TXLNB: variants seen among roughly 807,000 people sequenced by gnomAD.
The protein encoded by TXLNB is beta-taxilin.
A neutral mutation model predicts 57.4 loss-of-function variants in TXLNB; 37 were observed. The observed-to-expected ratio is 0.64, with a 90% CI of 0.50 to 0.85. The LOEUF (loss-of-function observed/expected upper bound fraction) is 0.85, where lower values mean the gene tolerates loss of function less well. Ranked by LOEUF, TXLNB falls within the 40% of genes least tolerant of loss-of-function variation. The pLI is 0.00. For missense variants in TXLNB, 848 were observed against 825.6 expected (o/e 1.03, Z -0.33); for synonymous variants, 302 against 309.6 (o/e 0.98, Z 0.26).
chr6:139,216,192 G>T, the TXLNB span, among the ~76,000 whole-genome samples: 16 of 151,580 alleles, frequency 1.1e-4, no homozygotes, highest in African/African-American at 3.6e-4. Flanking sequence ...TATTGCGGCA[G>T]TATTCACAAT....
chr6:139,278,199 A>G (rs536975032), intron 2 of TXLNB, among the ~76,000 whole-genome samples: 1 of 152,216 alleles, frequency 6.6e-6, no homozygotes, highest in Non-Finnish European at 1.5e-5. Flanking sequence ...TTACATGATT[A>G]GTGCTGGCAG....
intron 2 of TXLNB, among the ~76,000 whole-genome samples, chr6:139,278,801 C>T (rs1309348775): frequency 2.0e-5 from 3 of 152,184 alleles, no homozygotes; most frequent in Non-Finnish European, 2.9e-5. Context: ...GTCAGGAGAT[C>T]AAGACCATCC....
the TXLNB span, among the ~76,000 whole-genome samples, chr6:139,302,367 A>C: frequency 1.3e-5 from 2 of 152,010 alleles, no homozygotes; most frequent in Admixed American, 6.6e-5. Context: ...CTAACAGTGA[A>C]ACACATCTAG....
chr6:139,222,612 G>T, the TXLNB span, among the ~76,000 whole-genome samples: 1 of 152,192 alleles, frequency 6.6e-6, no homozygotes, highest in Non-Finnish European at 1.5e-5. Context: ...TTTGAGACCA[G>T]CCTGGCCAAC....
the TXLNB span, among the ~76,000 whole-genome samples, chr6:139,209,089 A>T: frequency 6.6e-6 from 1 of 152,228 alleles, no homozygotes; most frequent in Non-Finnish European, 1.5e-5. Context: ...GAATTCAGCG[A>T]TATTTCAGGA....
chr6:139,219,625 A>G, the TXLNB span, among the ~76,000 whole-genome samples: 1 of 152,222 alleles, frequency 6.6e-6, no homozygotes, highest in Non-Finnish European at 1.5e-5. Flanking sequence ...GGCTAAAATA[A>G]GCAGGTTAGG....
the TXLNB span, among the ~76,000 whole-genome samples, chr6:139,194,998 G>A: frequency 6.6e-6 from 1 of 152,230 alleles, no homozygotes; most frequent in African/African-American, 2.4e-5. Flanking sequence ...TTACAGTTCT[G>A]TAGTCAGAAG....
At chr6:139,271,310 C>G (rs966126536) in intron 3 of TXLNB, 1 of 152,270 alleles carries the variant, frequency 6.6e-6, no homozygotes, top group Non-Finnish European at 1.5e-5. Flanking sequence ...CACCCGCACC[C>G]GCTCTGTGCT....
rs1276429750 is a variant in TXLNB at position 139,242,271 on chromosome 6, C to T, written c.*255G>A. 8.9e-6 allele frequency: 3 copies of T among 338,208 alleles called. No individual in the cohort carries two copies. Among genetic ancestry groups the T allele is most frequent in the Middle Eastern group, 7.6e-4 (1 of 1,324 alleles). The allele number at this position is 338,208 out of a possible 1,614,324, so 21.0% of individuals were successfully genotyped here. On this transcript the variant is annotated 3_prime_UTR_variant, in exon 10 of 10. Coordinates refer to ENST00000358430, the MANE Select transcript of TXLNB (RefSeq NM_153235.4). ...TTAACAGAAAAGGAATATAAATTTG[C>T]TATCTGTATGTTTTGTTGCCCTTTG...
chr6:139,189,894 TCTC>T, the TXLNB span, among the ~76,000 whole-genome samples: 20 of 152,248 alleles, frequency 1.3e-4, no homozygotes, highest in East Asian at 3.5e-3. Flanking sequence ...CCAAGTAGGC[TCTC>T]CTCTAGGGCA....
chr6:139,174,548 T>G, the TXLNB span: 1 of 1,613,230 alleles, frequency 6.2e-7, no homozygotes, highest in Non-Finnish European at 8.5e-7. Context: ...AGGTAGGTAC[T>G]GAACACACTG....
intron 4 of TXLNB, among the ~76,000 whole-genome samples, chr6:139,268,825 A>G (rs1776681001): frequency 6.6e-6 from 1 of 152,156 alleles, no homozygotes; most frequent in Non-Finnish European, 1.5e-5. Context: ...GTCTCCTGCT[A>G]CTTTGATCAT....
chr6:139,166,657 T>C, the TXLNB span: 4 of 1,613,934 alleles, frequency 2.5e-6, no homozygotes, highest in Non-Finnish European at 3.4e-6. Flanking sequence ...GGAGGCCTCC[T>C]GGTGAGGCGG....
intron 7 of TXLNB, among the ~76,000 whole-genome samples, chr6:139,254,101 ATGTATCTAG>A: frequency 6.6e-6 from 1 of 152,292 alleles, no homozygotes; most frequent in Non-Finnish European, 1.5e-5. Flanking sequence ...TCTAACTTCT[ATGTATCTAG>A]TGTATTAAGA....
chr6:139,182,504 T>A, the TXLNB span, among the ~76,000 whole-genome samples: 1 of 152,210 alleles, frequency 6.6e-6, no homozygotes. Flanking sequence ...TTGTATTGTT[T>A]TGACTTAAAT....
the TXLNB span, among the ~76,000 whole-genome samples, chr6:139,190,420 C>T: frequency 2.0e-5 from 3 of 151,016 alleles, no homozygotes; most frequent in African/African-American, 4.9e-5. Flanking sequence ...AGCGATTCTC[C>T]TGCCTCAGCC....
intron 2 of TXLNB, among the ~76,000 whole-genome samples, chr6:139,284,665 G>A (rs1777131296): frequency 6.8e-6 from 1 of 146,272 alleles, no homozygotes; most frequent in Non-Finnish European, 1.5e-5. Context: ...TCAAAGAACT[G>A]AGAAACTAGA....
At chr6:139,223,835 T>G in the TXLNB span, among the ~76,000 whole-genome samples, 3 of 151,954 alleles carry the variant, frequency 2.0e-5, no homozygotes, top group African/African-American at 4.8e-5. Flanking sequence ...GGAACACTTT[T>G]ACACTGTTGG....
chr6:139,294,647 C>A (rs1195381153), upstream of TXLNB, among the ~76,000 whole-genome samples: 1 of 152,112 alleles, frequency 6.6e-6, no homozygotes, highest in Non-Finnish European at 1.5e-5. Flanking sequence ...ACAGAATTTG[C>A]CTGCACCTTG....
Sources: allele counts gnomAD v4.1 joint callset (sites outside exome capture counted in the v4.1 genomes callset), GRCh38; gene constraint gnomAD v4.1.1; transcripts MANE v1.5; gene names NCBI Gene and HGNC (gene_info 2026-07-23, HGNC 2026-07-21).